The following SLC35F1 variants were observed in gnomAD, a reference collection of about 807,000 sequenced individuals.
SLC35F1 encodes the protein chromosome 6 open reading frame 169.
Under a neutral mutation model 48.7 loss-of-function variants are expected in SLC35F1, and 14 were observed. The observed-to-expected ratio is 0.29, with a 90% CI of 0.19 to 0.45. The LOEUF (loss-of-function observed/expected upper bound fraction) is 0.45. Ranked by LOEUF, SLC35F1 falls within the 20% of genes least tolerant of loss-of-function variation. The pLI is 1.00. For missense variants in SLC35F1, 404 were observed against 500.0 expected (o/e 0.81, Z 1.83); for synonymous variants, 190 against 202.2 (o/e 0.94, Z 0.51).
chr6:118,184,614 A>G (rs1397140361), intron 2 of SLC35F1, among the ~76,000 whole-genome samples: 1 of 152,210 alleles, frequency 6.6e-6, no homozygotes, highest in Non-Finnish European at 1.5e-5. Flanking sequence ...TTGTGGCAAA[A>G]AAGAAAAATA....
intron 1 of SLC35F1, among the ~76,000 whole-genome samples, chr6:117,990,012 A>G (rs1193894571): frequency 6.6e-6 from 1 of 152,190 alleles, no homozygotes; most frequent in African/African-American, 2.4e-5. Flanking sequence ...TCGTCCTGAC[A>G]GTGAAGCACC....
At chr6:118,120,561 T>G (rs1382541196) in intron 1 of SLC35F1, among the ~76,000 whole-genome samples, 1 of 152,186 alleles carries the variant, frequency 6.6e-6, no homozygotes, top group Non-Finnish European at 1.5e-5. Flanking sequence ...GTTTAGTCCC[T>G]GTGAACATGA....
At chr6:118,081,417 G>A (rs1297188196) in intron 1 of SLC35F1, among the ~76,000 whole-genome samples, 1 of 151,960 alleles carries the variant, frequency 6.6e-6, no homozygotes, top group Non-Finnish European at 1.5e-5. Flanking sequence ...GATTGCTTGA[G>A]ACCAGAAGTT....
intron 7 of SLC35F1, among the ~76,000 whole-genome samples, chr6:118,300,815 A>G (rs1211712117): frequency 2.0e-5 from 3 of 152,160 alleles, no homozygotes; most frequent in African/African-American, 7.2e-5. Context: ...ATAAAATTTT[A>G]TTTTTTAAAT....
Position 118,285,245 on chromosome 6 carries a change from C to T in SLC35F1, c.909C>T (p.Val303=). 1.2e-6 allele frequency: 2 copies of T among 1,613,954 alleles called. No homozygotes were observed. Among genetic ancestry groups the T allele is most frequent in the Non-Finnish European group, 1.7e-6 (2 of 1,179,910 alleles). Residue 303 remains valine (V), a synonymous_variant, in exon 7 of 8, where the codon GTC becomes GTT. Transcript: ENST00000360388. ...MFGLYSFMPV[V]IKKTSATSVN... The stretch of plus-strand genomic sequence containing the variant: ...GTCTCTACAGCTTTATGCCAGTCGT[C>T]ATAAAGAAAACCAGTGCCACTTCAG...
intron 1 of SLC35F1, among the ~76,000 whole-genome samples, chr6:117,988,761 A>G (rs1050414972): frequency 4.8e-4 from 73 of 152,308 alleles, no homozygotes; most frequent in Middle Eastern, 3.4e-3. Context: ...TTCTATTATT[A>G]AAGTCCTATT....
intron 2 of SLC35F1, among the ~76,000 whole-genome samples, chr6:118,219,123 A>G (rs1775113401): frequency 6.6e-6 from 1 of 152,236 alleles, no homozygotes; most frequent in South Asian, 2.1e-4. Flanking sequence ...CACCGTTGGC[A>G]CATAATAAAT....
chr6:118,117,246 TA>T (rs1456086041), intron 1 of SLC35F1, among the ~76,000 whole-genome samples: 1 of 152,210 alleles, frequency 6.6e-6, no homozygotes, highest in African/African-American at 2.4e-5. Context: ...ACCTTATCTG[TA>T]CATGTATTTT....
At chr6:117,982,964 AG>A (rs552033749) in intron 1 of SLC35F1, among the ~76,000 whole-genome samples, 136 of 152,232 alleles carry the variant, frequency 8.9e-4, no homozygotes, top group Non-Finnish European at 1.7e-3. Flanking sequence ...CTGCATCTTC[AG>A]GTTCTCAGCT....
chr6:118,117,360 A>C (rs1273810526), intron 1 of SLC35F1, among the ~76,000 whole-genome samples: 1 of 152,206 alleles, frequency 6.6e-6, no homozygotes, highest in Non-Finnish European at 1.5e-5. Context: ...CTTATTGCTT[A>C]TGGCATAGAA....
chr6:118,232,682 G>A (rs1048677959), intron 2 of SLC35F1, among the ~76,000 whole-genome samples: 1 of 151,880 alleles, frequency 6.6e-6, no homozygotes, highest in African/African-American at 2.4e-5. Context: ...GAGACAGAAG[G>A]AAGAATAGTC....
At chr6:118,302,980 G>GGA (rs368610000) in intron 7 of SLC35F1, among the ~76,000 whole-genome samples, 3 of 145,420 alleles carry the variant, frequency 2.1e-5, no homozygotes, top group African/African-American at 7.5e-5. Flanking sequence ...AGCTTATTTA[G>GGA]AAAAAAAAAA....
At position 118,041,279 on chromosome 6, in the gene SLC35F1, G is replaced by C. The variant is rs555851589; in HGVS notation, c.174-113166G>C. Among the ~76,000 whole-genome samples, 20 of 152,208 alleles carry C rather than the reference G, an allele frequency of 1.3e-4. No homozygotes were observed. The South Asian group carries it at 4.2e-3, about 32-fold the overall frequency. On this transcript the variant is annotated intron_variant, in intron 1 of 7. Transcript: ENST00000360388. ...TTTCCAGTATCTCCCTGTCTTGAAA[G>C]TATTTTATATATTTACTTAAAGATA...
intron 1 of SLC35F1, among the ~76,000 whole-genome samples, chr6:118,049,691 C>T (rs891905100): frequency 2.6e-5 from 4 of 151,570 alleles, no homozygotes; most frequent in South Asian, 2.1e-4. Flanking sequence ...GTTAGAATGG[C>T]GATCATTAAA....
intron 2 of SLC35F1, among the ~76,000 whole-genome samples, chr6:118,209,125 T>C (rs1474337062): frequency 6.6e-6 from 1 of 152,168 alleles, no homozygotes. Context: ...TATCCCTGAG[T>C]CTGCTATTAG....
chr6:118,169,561 C>T (rs922755771), intron 2 of SLC35F1, among the ~76,000 whole-genome samples: 13 of 152,246 alleles, frequency 8.5e-5, no homozygotes, highest in East Asian at 7.7e-4. Flanking sequence ...TGCGCTCTCT[C>T]GATCCACATC....
At chr6:118,174,188 T>A (rs2114500124) in intron 2 of SLC35F1, among the ~76,000 whole-genome samples, 1 of 152,220 alleles carries the variant, frequency 6.6e-6, no homozygotes, top group East Asian at 1.9e-4. Context: ...AGACATGCAA[T>A]GAAGCAAGAA....
chr6:117,946,863 G>A (rs1776301800), intron 1 of SLC35F1, among the ~76,000 whole-genome samples: 1 of 152,126 alleles, frequency 6.6e-6, no homozygotes, highest in Non-Finnish European at 1.5e-5. Context: ...TTTCAACATG[G>A]AAAGCTGTTA....
chr6:118,170,024 G>C (rs552408995), intron 2 of SLC35F1, among the ~76,000 whole-genome samples: 1 of 152,152 alleles, frequency 6.6e-6, no homozygotes, highest in Admixed American at 6.5e-5. Flanking sequence ...CTTCTAAAAC[G>C]CAGGCTAAGT....
Sources: gnomAD v4.1 joint callset for allele counts (sites outside exome capture counted in the v4.1 genomes callset) on GRCh38, gnomAD v4.1.1 for gene constraint, MANE v1.5 for transcripts, NCBI Gene and HGNC (gene_info 2026-07-23, HGNC 2026-07-21) for gene names.